JAZF1: variants seen among roughly 807,000 people sequenced by gnomAD.
JAZF1 encodes the protein JAZF zinc finger 1.
A neutral mutation model predicts 26.4 loss-of-function variants in JAZF1; 8 were observed. The ratio of observed to expected loss-of-function variants is 0.30; its 90% CI spans 0.18 to 0.55. The LOEUF (loss-of-function observed/expected upper bound fraction) is 0.55. Among genes scored for constraint, JAZF1 ranks in the 20% least tolerant of loss-of-function variants. The pLI is 0.94. For synonymous variants in JAZF1, 126 were observed against 122.3 expected (o/e 1.03, Z -0.20); for missense variants, 199 against 322.0 (o/e 0.62, Z 2.92).
intron 1 of JAZF1, among the ~76,000 whole-genome samples, chr7:28,093,291 G>A (rs992710652): frequency 4.6e-5 from 7 of 152,268 alleles, no homozygotes; most frequent in African/African-American, 1.2e-4. Context: ...TAAGTCTTGC[G>A]AGATCTGATG....
At chr7:27,910,471 C>G (rs1784343409) in intron 2 of JAZF1, among the ~76,000 whole-genome samples, 1 of 152,164 alleles carries the variant, frequency 6.6e-6, no homozygotes, top group Non-Finnish European at 1.5e-5. Flanking sequence ...CAAGGAGCAG[C>G]CTTCATTTGC....
rs545799736 is a variant in JAZF1, at chr7:27,988,048, T to C, written c.188+3861A>G. On this transcript the variant is annotated intron_variant, in intron 2 of 4. Transcript: ENST00000283928. ...CTCAAGTACCCAGGGACACAAACAC[T>C]GTGGAAGGCTGCAGGGTCCTCTGCC... 1.1e-4 allele frequency among the ~76,000 whole-genome samples: 16 copies of C among 152,278 alleles called. No individual in the cohort carries two copies. The South Asian group carries it at 1.5e-3, about 14-fold the overall frequency.
intron 2 of JAZF1, among the ~76,000 whole-genome samples, chr7:27,951,993 G>A (rs1056483201): frequency 1.3e-4 from 20 of 152,094 alleles, no homozygotes; most frequent in African/African-American, 4.8e-4. Context: ...CTGAGCCAAC[G>A]CAGAATATTC....
intron 1 of JAZF1, among the ~76,000 whole-genome samples, chr7:28,060,879 C>T (rs937162466): frequency 6.6e-6 from 1 of 152,134 alleles, no homozygotes; most frequent in Admixed American, 6.5e-5. Context: ...CCAAATTTCA[C>T]TTGGTATTTA....
At chr7:28,176,735 G>C (rs952443332) in intron 1 of JAZF1, among the ~76,000 whole-genome samples, 1 of 152,160 alleles carries the variant, frequency 6.6e-6, no homozygotes, top group African/African-American at 2.4e-5. Context: ...TCAAAATGCA[G>C]AGGTACTTTT....
chr7:28,163,523 C>T (rs537124), intron 1 of JAZF1, among the ~76,000 whole-genome samples: 118,465 of 152,196 alleles, frequency 0.78, 46,780 homozygotes, highest in East Asian at 0.98. Context: ...GAATTGAGAA[C>T]ACAAGTACAG....
rs1051907542 is a variant in JAZF1, at chr7:28,134,400, A to C, written c.115+46063T>G. On this transcript the variant is annotated intron_variant, in intron 1 of 4. Coordinates refer to ENST00000283928, the MANE Select transcript of JAZF1 (RefSeq NM_175061.4). Reference sequence around the variant, plus strand: ...ACTGCAGCCTCCATCTCCAGGGCTCAAGTGATCCTCCCAACTCAGCCTCCC... The same window carrying C: ...ACTGCAGCCTCCATCTCCAGGGCTCCAGTGATCCTCCCAACTCAGCCTCCC... Among the ~76,000 whole-genome samples, 4 of 151,878 alleles carry C rather than the reference A, an allele frequency of 2.6e-5. No individual in the cohort carries two copies. In the East Asian group the frequency reaches 7.7e-4, roughly 29 times the overall value.
chr7:28,018,889 G>A (rs898682863), intron 1 of JAZF1, among the ~76,000 whole-genome samples: 4 of 152,102 alleles, frequency 2.6e-5, no homozygotes, highest in African/African-American at 9.7e-5. Flanking sequence ...TAAAATTTTC[G>A]TGGTTCAGTT....
intron 1 of JAZF1, among the ~76,000 whole-genome samples, chr7:28,117,639 A>G (rs986268371): frequency 1.3e-5 from 2 of 152,210 alleles, no homozygotes; most frequent in South Asian, 4.1e-4. Context: ...TTTAAATACT[A>G]TTCTATTTGT....
At position 27,940,439 on chromosome 7, in the gene JAZF1, A is replaced by C. The variant is rs911018445; in HGVS notation, c.189-45023T>G. Among the ~76,000 whole-genome samples, 70 of 152,142 alleles carry C rather than the reference A, an allele frequency of 4.6e-4. 1 individual carries two copies. The highest frequency in any genetic ancestry group is 1.7e-3 in the African/African-American group (69 of 41,520). ...TAATGCATCTTATTCTACAGCCTGCATTTCCAATACACAGCACACACACAT... is the reference window on the plus strand; with the variant it reads ...TAATGCATCTTATTCTACAGCCTGCCTTTCCAATACACAGCACACACACAT... On this transcript the variant is annotated intron_variant, in intron 2 of 4. Transcript: ENST00000283928.
intron 2 of JAZF1, among the ~76,000 whole-genome samples, chr7:27,956,801 A>C (rs1396729003): frequency 6.6e-6 from 1 of 152,186 alleles, no homozygotes; most frequent in African/African-American, 2.4e-5. Context: ...ATCTGCCTCC[A>C]TGGCTGTCGG....
At chr7:28,021,929 T>G (rs1783013896) in intron 1 of JAZF1, among the ~76,000 whole-genome samples, 1 of 152,238 alleles carries the variant, frequency 6.6e-6, no homozygotes, top group African/African-American at 2.4e-5. Flanking sequence ...GAAGGCAGGT[T>G]TCTCTTCAGT....
At chr7:27,867,293 G>A (rs1272655879) in intron 3 of JAZF1, among the ~76,000 whole-genome samples, 1 of 152,134 alleles carries the variant, frequency 6.6e-6, no homozygotes, top group Non-Finnish European at 1.5e-5. Flanking sequence ...CTACATCAGA[G>A]TAATTGTCTC....
chr7:28,114,208 GCT>G (rs1784704950), intron 1 of JAZF1, among the ~76,000 whole-genome samples: 1 of 152,166 alleles, frequency 6.6e-6, no homozygotes, highest in Non-Finnish European at 1.5e-5. Flanking sequence ...CCTCCTTGGA[GCT>G]GGCCATGCTC....
At chr7:28,006,745 C>T (rs780510784) in intron 1 of JAZF1, among the ~76,000 whole-genome samples, 35 of 152,140 alleles carry the variant, frequency 2.3e-4, no homozygotes, top group Non-Finnish European at 3.4e-4. Flanking sequence ...TGCTATTTGA[C>T]CACATTTGCT....
At chr7:27,981,494 A>G (rs892858817) in intron 2 of JAZF1, among the ~76,000 whole-genome samples, 2 of 152,324 alleles carry the variant, frequency 1.3e-5, no homozygotes, top group South Asian at 2.1e-4. Context: ...TGGGTATTAG[A>G]TAAGATTTAA....
At chr7:28,114,964 A>C (rs1334037757) in intron 1 of JAZF1, among the ~76,000 whole-genome samples, 2 of 152,164 alleles carry the variant, frequency 1.3e-5, no homozygotes, top group Non-Finnish European at 2.9e-5. Flanking sequence ...CCAGGGAGTA[A>C]AGAGAAGCAG....
chr7:27,931,847 A>G (rs545448794), intron 2 of JAZF1, among the ~76,000 whole-genome samples: 1 of 152,254 alleles, frequency 6.6e-6, no homozygotes, highest in Admixed American at 6.5e-5. Context: ...TGGGAGGTAG[A>G]GGTTGCAGTG....
At chr7:27,864,108 C>T (rs1287912085) in intron 3 of JAZF1, 6 of 152,176 alleles carry the variant, frequency 3.9e-5, no homozygotes, top group Non-Finnish European at 7.3e-5. Flanking sequence ...ACGAGACCGT[C>T]GTCATCCTAA....
Sources: gnomAD v4.1 joint callset for allele counts (sites outside exome capture counted in the v4.1 genomes callset) on GRCh38, gnomAD v4.1.1 for gene constraint, MANE v1.5 for transcripts, NCBI Gene and HGNC (gene_info 2026-07-23, HGNC 2026-07-21) for gene names.